NR6A1: variants seen among roughly 807,000 people sequenced by gnomAD.
The protein encoded by NR6A1 is retinoic acid receptor-related testis-associated receptor.
A neutral mutation model predicts 59.1 loss-of-function variants in NR6A1; 7 were observed. The ratio of observed to expected loss-of-function variants is 0.12; its 90% CI spans 0.07 to 0.22. NR6A1 has a LOEUF of 0.22. Ranked by LOEUF, NR6A1 falls within the 10% of genes least tolerant of loss-of-function variation. The pLI is 1.00. For synonymous variants in NR6A1, 243 were observed against 236.1 expected (o/e 1.03, Z -0.27); for missense variants, 468 against 611.6 (o/e 0.77, Z 2.48).
intron 2 of NR6A1, among the ~76,000 whole-genome samples, chr9:124,611,774 A>AGAGAGAGAGAGAGAGAGAAAAT (rs148472095): frequency 9.5e-6 from 1 of 105,666 alleles, no homozygotes; most frequent in Non-Finnish European, 1.8e-5. Context: ...AGAGAGAGAG[A>AGAGAGAGAGAGAGAGAGAAAAT]GAGAGAGAAT....
chr9:124,520,722 T>G lies in NR6A1; in HGVS notation c.*1983A>C, dbSNP rs1290527281. The G allele has an allele frequency of 6.6e-6, 1 of 152,172 alleles. No individual in the cohort carries two copies. The highest frequency in any genetic ancestry group is 2.4e-5 in the African/African-American group (1 of 41,426). The allele number at this position is 152,172 out of a possible 1,614,324, so 9.4% of individuals were successfully genotyped here. ...TCTGACCTGTGGCCAAAGAATGTGA[T>G]CTAGTTGGTTAAATAAAATTCAGGG... On this transcript the variant is annotated 3_prime_UTR_variant, in exon 10 of 10. Coordinates refer to ENST00000487099, the MANE Select transcript of NR6A1 (RefSeq NM_033334.4).
At chr9:124,539,355 T>C (rs1564170250) in intron 5 of NR6A1, among the ~76,000 whole-genome samples, 2 of 152,228 alleles carry the variant, frequency 1.3e-5, no homozygotes, top group African/African-American at 4.8e-5. Flanking sequence ...TCCATGGCCA[T>C]AGCTGTTTTC....
At chr9:124,651,880 C>A (rs938782342) in intron 2 of NR6A1, among the ~76,000 whole-genome samples, 3 of 152,104 alleles carry the variant, frequency 2.0e-5, no homozygotes, top group African/African-American at 7.2e-5. Context: ...GATCCTCTTC[C>A]CAAGTAGACA....
At chr9:124,605,396 G>C (rs1351471763) in intron 2 of NR6A1, among the ~76,000 whole-genome samples, 1 of 152,140 alleles carries the variant, frequency 6.6e-6, no homozygotes, top group African/African-American at 2.4e-5. Context: ...TGTAGTCCTA[G>C]CTACTTGAGA....
At chr9:124,678,022 C>T (rs1346364294) in intron 2 of NR6A1, among the ~76,000 whole-genome samples, 2 of 152,170 alleles carry the variant, frequency 1.3e-5, no homozygotes, top group African/African-American at 2.4e-5. Flanking sequence ...AAAGAAAATA[C>T]ACTAGACTGT....
chr9:124,742,477 C>A (rs2131150964), intron 1 of NR6A1, among the ~76,000 whole-genome samples: 1 of 152,180 alleles, frequency 6.6e-6, no homozygotes, highest in East Asian at 1.9e-4. Flanking sequence ...AGGAGAATTG[C>A]TTGAACCAGG....
At chr9:124,745,257 GAA>G (rs34826262) in intron 1 of NR6A1, among the ~76,000 whole-genome samples, 9 of 148,842 alleles carry the variant, frequency 6.0e-5, no homozygotes, top group Non-Finnish European at 8.9e-5. Context: ...ATATATACAT[GAA>G]AAAAAAAACA....
intron 2 of NR6A1, among the ~76,000 whole-genome samples, chr9:124,589,625 G>C (rs1249558432): frequency 6.6e-6 from 1 of 152,162 alleles, no homozygotes; most frequent in Non-Finnish European, 1.5e-5. Flanking sequence ...TGCACATTTT[G>C]AGATTAAATG....
chr9:124,553,712 C>T (rs1833850361), intron 3 of NR6A1, among the ~76,000 whole-genome samples: 1 of 151,914 alleles, frequency 6.6e-6, no homozygotes, highest in African/African-American at 2.4e-5. Context: ...ATTATTTCCC[C>T]CGTTCCTTCA....
At chr9:124,724,143 C>T (rs1839643741) in intron 2 of NR6A1, among the ~76,000 whole-genome samples, 1 of 152,050 alleles carries the variant, frequency 6.6e-6, no homozygotes. Context: ...GGACAATGTT[C>T]CCAATGTAAT....
At chr9:124,706,792 A>G (rs757464842) in intron 2 of NR6A1, among the ~76,000 whole-genome samples, 2 of 152,216 alleles carry the variant, frequency 1.3e-5, no homozygotes, top group Non-Finnish European at 1.5e-5. Flanking sequence ...CTGATATTAC[A>G]GGCGTGAGCC....
At chr9:124,752,358 ACAAT>A (rs1415179723) in intron 1 of NR6A1, among the ~76,000 whole-genome samples, 8 of 152,344 alleles carry the variant, frequency 5.3e-5, no homozygotes, top group Non-Finnish European at 7.4e-5. Flanking sequence ...TTAAAATTAA[ACAAT>A]CAATTTTTTT....
chr9:124,571,873 C>A (rs866217717), intron 2 of NR6A1, among the ~76,000 whole-genome samples: 2 of 151,870 alleles, frequency 1.3e-5, no homozygotes, highest in Non-Finnish European at 2.9e-5. Context: ...CAATAACTTC[C>A]ATTCAGGGCT....
intron 2 of NR6A1, among the ~76,000 whole-genome samples, chr9:124,639,059 C>A (rs1836700017): frequency 6.6e-6 from 1 of 152,086 alleles, no homozygotes; most frequent in Non-Finnish European, 1.5e-5. Flanking sequence ...CACTTATGGG[C>A]CGGACCTAGT....
chr9:124,584,647 T>C (rs1000672940), intron 2 of NR6A1, among the ~76,000 whole-genome samples: 2 of 152,166 alleles, frequency 1.3e-5, no homozygotes, highest in Admixed American at 6.5e-5. Flanking sequence ...GATGGTGAAC[T>C]TAATCGAAAA....
At chr9:124,740,442 C>CT (rs2131145906) in intron 1 of NR6A1, among the ~76,000 whole-genome samples, 1 of 151,546 alleles carries the variant, frequency 6.6e-6, no homozygotes, top group Non-Finnish European at 1.5e-5. Flanking sequence ...AATTGCAATT[C>CT]AAGTCTTATA....
chr9:124,595,942 A>G, intron 2 of NR6A1: 2 of 524,198 alleles, frequency 3.8e-6, no homozygotes, highest in South Asian at 1.8e-5. Flanking sequence ...TGCAAAGTTC[A>G]GGCTCTAAGG....
chr9:124,698,896 C>T (rs953224202), intron 2 of NR6A1, among the ~76,000 whole-genome samples: 7 of 152,166 alleles, frequency 4.6e-5, no homozygotes, highest in Admixed American at 4.6e-4. Flanking sequence ...ACTAAATCTA[C>T]TGAAAAACAC....
chr9:124,628,752 T>C (rs566798086), intron 2 of NR6A1, among the ~76,000 whole-genome samples: 5 of 152,288 alleles, frequency 3.3e-5, no homozygotes, highest in Admixed American at 2.0e-4. Context: ...GCAATTCTCC[T>C]GCCTCAGTCT....
Sources: allele counts gnomAD v4.1 joint callset (sites outside exome capture counted in the v4.1 genomes callset), GRCh38; gene constraint gnomAD v4.1.1; transcripts MANE v1.5; gene names NCBI Gene and HGNC (gene_info 2026-07-23, HGNC 2026-07-21).